Variants in GOSR2 observed in about 807,000 individuals in gnomAD.
GOSR2 encodes 27 kDa Golgi SNARE protein.
In GOSR2, 20 loss-of-function variants were observed where a neutral mutation model predicts 27.9. The ratio of observed to expected loss-of-function variants is 0.72; its 90% CI spans 0.50 to 1.04. The LOEUF is 1.04. GOSR2 is among the 50% of genes least tolerant of loss of function. The pLI is 0.00. For missense variants in GOSR2, 261 were observed against 270.5 expected (o/e 0.97, Z 0.25); for synonymous variants, 91 against 98.8 (o/e 0.92, Z 0.47).
intron 1 of GOSR2, among the ~76,000 whole-genome samples, chr17:46,927,966 T>C (rs549775683): frequency 1.8e-4 from 28 of 152,266 alleles, no homozygotes; most frequent in African/African-American, 6.3e-4. Flanking sequence ...GAGTCCTAAT[T>C]CTCCTTTCTG....
chr17:46,967,103 G>T (rs1015233754), downstream of GOSR2: 2 of 156,834 alleles, frequency 1.3e-5, no homozygotes, highest in African/African-American at 4.8e-5. Context: ...GACAGTTCTG[G>T]TCCTCAGGGG....
intron 1 of GOSR2, among the ~76,000 whole-genome samples, chr17:46,928,753 C>G (rs1435675025): frequency 6.6e-6 from 1 of 152,170 alleles, no homozygotes; most frequent in Admixed American, 6.5e-5. Context: ...AACCCGATTC[C>G]CTTTCAAGCA....
At position 46,923,235 on chromosome 17, in the gene GOSR2, G is replaced by A. The variant is rs1477510252; in HGVS notation, c.29+14G>A. The A allele has an allele frequency of 1.3e-6, 2 of 1,550,932 alleles. No homozygotes were observed. The highest frequency in any genetic ancestry group is 2.4e-5 in the East Asian group (1 of 40,932). On this transcript the variant is annotated intron_variant, in intron 1 of 5. Transcript: ENST00000640051. Reference sequence around the variant, plus strand: ...GCAAACGCACAAGTGAGGGCCGGTCGGGGAGCGGGCAGGGGCTAGACGAGG... The same window carrying A: ...GCAAACGCACAAGTGAGGGCCGGTCAGGGAGCGGGCAGGGGCTAGACGAGG...
chr17:46,932,387 A>T (rs1471613430), intron 4 of GOSR2, 188 bp downstream of exon 4: 2 of 656,186 alleles, frequency 3.0e-6, no homozygotes, highest in Non-Finnish European at 5.3e-6. Flanking sequence ...CCCTTTTTCT[A>T]AGACAAAAAC....
chr17:46,929,883 C>CCTG, intron 2 of GOSR2: 1 of 308,140 alleles, frequency 3.2e-6, no homozygotes, highest in Non-Finnish European at 6.1e-6. Context: ...GAGGAATGTA[C>CCTG]TCCATAAAAA....
chr17:46,955,452 A>G (rs548966713), intron 6 of GOSR2: 1 of 152,156 alleles, frequency 6.6e-6, no homozygotes, highest in South Asian at 2.1e-4. Flanking sequence ...ATCAATGTTC[A>G]TCAAGGATAT....
downstream of GOSR2, among the ~76,000 whole-genome samples, chr17:46,969,112 G>A (rs953759388): frequency 2.0e-5 from 3 of 152,168 alleles, no homozygotes; most frequent in African/African-American, 4.8e-5. Flanking sequence ...CAGGAGAAGC[G>A]GAAGCCGATC....
chr17:46,942,783 A>G (rs1461261946), downstream of GOSR2, among the ~76,000 whole-genome samples: 1 of 152,212 alleles, frequency 6.6e-6, no homozygotes. Flanking sequence ...AGAAGCTGAG[A>G]AAGGAAAGTG....
At chr17:46,947,838 G>A (rs1275514735) in intron 6 of GOSR2, among the ~76,000 whole-genome samples, 2 of 152,180 alleles carry the variant, frequency 1.3e-5, no homozygotes, top group African/African-American at 2.4e-5. Flanking sequence ...GCACAATCTC[G>A]GCTCACCGTA....
intron 6 of GOSR2, among the ~76,000 whole-genome samples, chr17:46,956,166 C>A (rs570685983): frequency 1.3e-5 from 2 of 151,894 alleles, no homozygotes; most frequent in Admixed American, 1.3e-4. Flanking sequence ...AAAGCTAGTT[C>A]TGGATCAGAA....
chr17:46,961,907 G>T (rs1412828185), intron 6 of GOSR2, among the ~76,000 whole-genome samples: 2 of 152,204 alleles, frequency 1.3e-5, no homozygotes, highest in Non-Finnish European at 2.9e-5. Flanking sequence ...GGGGATTATA[G>T]TTAGGGGCTG....
chr17:46,945,728 T>C (rs560165574), downstream of GOSR2, among the ~76,000 whole-genome samples: 9 of 152,254 alleles, frequency 5.9e-5, no homozygotes, highest in South Asian at 1.2e-3. Context: ...TAAGAGTTTC[T>C]TGTGCCCCAG....
At chr17:46,957,089 G>T (rs532986267) in intron 6 of GOSR2, among the ~76,000 whole-genome samples, 1 of 152,082 alleles carries the variant, frequency 6.6e-6, no homozygotes, top group Non-Finnish European at 1.5e-5. Flanking sequence ...CGGGTGGATC[G>T]TGTGAACCCA....
At chr17:46,923,377 G>C in intron 1 of GOSR2, 156 bp downstream of exon 1, 2 of 1,469,420 alleles carry the variant, frequency 1.4e-6, no homozygotes. Context: ...AATCCTTGGC[G>C]GGACTCCCAG....
chr17:46,944,013 A>G (rs574780219), downstream of GOSR2, among the ~76,000 whole-genome samples: 6 of 152,048 alleles, frequency 3.9e-5, no homozygotes, highest in Non-Finnish European at 8.8e-5. Context: ...TAGCAATTCC[A>G]TTAGTGTGGT....
intron 6 of GOSR2, among the ~76,000 whole-genome samples, chr17:46,962,703 ACT>A (rs1409232949): frequency 6.6e-6 from 1 of 152,162 alleles, no homozygotes; most frequent in African/African-American, 2.4e-5. Flanking sequence ...GGTGCCAGAC[ACT>A]CTAGCCAGCC....
intron 6 of GOSR2, among the ~76,000 whole-genome samples, chr17:46,954,678 T>C (rs562586653): frequency 3.3e-5 from 5 of 152,232 alleles, no homozygotes; most frequent in African/African-American, 4.8e-5. Context: ...TTCTTCCATT[T>C]GTTTGTGTCC....
At chr17:46,971,205 T>C (rs2091389266), downstream of GOSR2, among the ~76,000 whole-genome samples, 1 of 152,050 alleles carries the variant, frequency 6.6e-6, no homozygotes, top group South Asian at 2.1e-4. Context: ...GGCATGGTGG[T>C]GGGTGCCTGT....
intron 6 of GOSR2, among the ~76,000 whole-genome samples, chr17:46,951,156 G>A (rs2090313722): frequency 6.6e-6 from 1 of 152,178 alleles, no homozygotes; most frequent in Admixed American, 6.5e-5. Context: ...GACAGAAACT[G>A]GCACACGCAC....
Sources: allele counts gnomAD v4.1 joint callset (sites outside exome capture counted in the v4.1 genomes callset), GRCh38; gene constraint gnomAD v4.1.1; transcripts MANE v1.5; gene names NCBI Gene and HGNC (gene_info 2026-07-23, HGNC 2026-07-21).